The following FBXL7 variants were observed in gnomAD, a reference collection of about 807,000 sequenced individuals.
FBXL7 encodes the protein F-box/LRR-repeat protein 7.
A neutral mutation model predicts 38.3 loss-of-function variants in FBXL7; 12 were observed. The ratio of observed to expected loss-of-function variants is 0.31; its 90% CI spans 0.20 to 0.51. FBXL7 has a LOEUF of 0.51. Among genes scored for constraint, FBXL7 ranks in the 20% least tolerant of loss-of-function variants. FBXL7 has a pLI of 0.98. For missense variants in FBXL7, 567 were observed against 676.4 expected (o/e 0.84, Z 1.79); for synonymous variants, 297 against 300.9 (o/e 0.99, Z 0.13).
intron 2 of FBXL7, among the ~76,000 whole-genome samples, chr5:15,712,912 G>T (rs1482902793): frequency 1.3e-5 from 2 of 152,130 alleles, no homozygotes; most frequent in African/African-American, 4.8e-5. Context: ...AAAAGCTACA[G>T]CATCTATAAG....
chr5:15,795,789 C>T (rs1243251561), intron 2 of FBXL7, among the ~76,000 whole-genome samples: 2 of 152,058 alleles, frequency 1.3e-5, no homozygotes, highest in African/African-American at 4.8e-5. Flanking sequence ...AAGCACACAC[C>T]TTACATATGT....
At chr5:15,769,051 G>A (rs921901742) in intron 2 of FBXL7, among the ~76,000 whole-genome samples, 2 of 152,146 alleles carry the variant, frequency 1.3e-5, no homozygotes, top group African/African-American at 4.8e-5. Context: ...CTAATTCCAT[G>A]AACAGACAGG....
At chr5:15,536,206 C>T (rs1228291615) in intron 1 of FBXL7, among the ~76,000 whole-genome samples, 1 of 152,232 alleles carries the variant, frequency 6.6e-6, no homozygotes, top group East Asian at 1.9e-4. Context: ...GTGGAGCCCT[C>T]ACGGAGAGCC....
intron 2 of FBXL7, among the ~76,000 whole-genome samples, chr5:15,656,255 A>C (rs1190038426): frequency 1.3e-5 from 2 of 152,232 alleles, no homozygotes. Flanking sequence ...GCATGGTGTC[A>C]TGTGAATCAT....
chr5:15,760,509 G>A (rs887904733), intron 2 of FBXL7, among the ~76,000 whole-genome samples: 5 of 151,716 alleles, frequency 3.3e-5, no homozygotes, highest in African/African-American at 9.7e-5. Flanking sequence ...TACCTGCTGA[G>A]GTTTTTCACA....
intron 1 of FBXL7, among the ~76,000 whole-genome samples, chr5:15,505,204 A>G (rs1736612159): frequency 6.6e-6 from 1 of 152,172 alleles, no homozygotes; most frequent in South Asian, 2.1e-4. Context: ...GTCCGGGCAT[A>G]ATTCTAAGGA....
intron 2 of FBXL7, among the ~76,000 whole-genome samples, chr5:15,906,780 T>C (rs1741380339): frequency 1.7e-5 from 1 of 58,742 alleles, no homozygotes; most frequent in South Asian, 7.7e-4. Context: ...GGTTTTTTGT[T>C]CTTGCGATAG....
intron 2 of FBXL7, among the ~76,000 whole-genome samples, chr5:15,848,700 T>C (rs982914748): frequency 2.0e-5 from 3 of 152,186 alleles, no homozygotes; most frequent in African/African-American, 7.2e-5. Context: ...TGGAATCATT[T>C]AACTAAGAGA....
intron 1 of FBXL7, among the ~76,000 whole-genome samples, chr5:15,546,155 T>C (rs900320655): frequency 6.6e-6 from 1 of 152,234 alleles, no homozygotes; most frequent in Admixed American, 6.5e-5. Flanking sequence ...CTAGGACAGA[T>C]GCAGTGACTC....
chr5:15,512,830 G>A (rs1159207579), intron 1 of FBXL7, among the ~76,000 whole-genome samples: 2 of 152,060 alleles, frequency 1.3e-5, no homozygotes, highest in Non-Finnish European at 2.9e-5. Flanking sequence ...TTGTTTTGTA[G>A]TATTTGTTTT....
chr5:15,740,095 G>T (rs1735856441), intron 2 of FBXL7, among the ~76,000 whole-genome samples: 1 of 152,100 alleles, frequency 6.6e-6, no homozygotes, highest in Non-Finnish European at 1.5e-5. Flanking sequence ...GTGTAAAGTG[G>T]TATCTCACTG....
At chr5:15,861,997 G>A (rs1459038966) in intron 2 of FBXL7, among the ~76,000 whole-genome samples, 1 of 152,152 alleles carries the variant, frequency 6.6e-6, no homozygotes, top group Non-Finnish European at 1.5e-5. Flanking sequence ...AGTGGTATAA[G>A]GTGACATGGA....
At chr5:15,565,934 C>T (rs907659756) in intron 1 of FBXL7, among the ~76,000 whole-genome samples, 8 of 152,118 alleles carry the variant, frequency 5.3e-5, no homozygotes, top group African/African-American at 1.9e-4. Flanking sequence ...CCAAAAACAT[C>T]CTCACAGGAA....
intron 2 of FBXL7, among the ~76,000 whole-genome samples, chr5:15,854,635 T>G (rs931192233): frequency 6.6e-6 from 1 of 152,198 alleles, no homozygotes; most frequent in Non-Finnish European, 1.5e-5. Flanking sequence ...AATTTGAACA[T>G]ATTAAGAGTA....
chr5:15,538,241 A>G (rs143166019), intron 1 of FBXL7, among the ~76,000 whole-genome samples: 78 of 152,304 alleles, frequency 5.1e-4, no homozygotes, highest in African/African-American at 1.8e-3. Context: ...TGACCCAATG[A>G]GAAAAACAGT....
chr5:15,710,793 A>C (rs1238978290), intron 2 of FBXL7, among the ~76,000 whole-genome samples: 2 of 152,222 alleles, frequency 1.3e-5, no homozygotes, highest in Non-Finnish European at 2.9e-5. Context: ...GAAATTTATC[A>C]GACAGCTCTG....
At chr5:15,621,083 A>G (rs1231533969) in intron 2 of FBXL7, among the ~76,000 whole-genome samples, 1 of 152,164 alleles carries the variant, frequency 6.6e-6, no homozygotes, top group African/African-American at 2.4e-5. Context: ...TCATGAGAGA[A>G]TGGCATTTTT....
In FBXL7 at chr5:15,928,012, A is replaced by G. The variant is rs528750942; in HGVS notation, c.250A>G (p.Thr84Ala). The G allele has an allele frequency of 1.9e-6, 3 of 1,603,716 alleles. No individual in the cohort carries two copies. The highest frequency in any genetic ancestry group is 1.7e-5 in the Admixed American group (1 of 59,430). ...STSSSSITGE[T>A]VAMVHSPPPT... is the part of the protein sequence containing the mutation. ...CTCCTCGTCCTCCATCACCGGGGAG[A>G]CGGTGGCCATGGTGCACTCCCCGCC... The change falls in exon 3 of 4, where the codon ACG becomes GCG. Residue 84 changes from threonine to alanine, a missense_variant. Thr to Ala is a moderately conservative substitution (Grantham distance 58). Coordinates refer to ENST00000504595, the MANE Select transcript of FBXL7 (RefSeq NM_012304.5). The surrounding 1 kb of genome is among the most constrained non-coding windows in gnomAD (Gnocchi z 4.0).
chr5:15,926,659 A>G (rs1041437481), intron 2 of FBXL7, among the ~76,000 whole-genome samples: 1 of 152,156 alleles, frequency 6.6e-6, no homozygotes, highest in African/African-American at 2.4e-5. Flanking sequence ...TGTCCTTATC[A>G]GCGATCTTTC....
Sources: gnomAD v4.1 joint callset for allele counts (sites outside exome capture counted in the v4.1 genomes callset) on GRCh38, gnomAD v4.1.1 for gene constraint, Gnocchi (gnomAD v3.1) non-coding constraint, MANE v1.5 for transcripts, NCBI Gene and HGNC (gene_info 2026-07-23, HGNC 2026-07-21) for gene names.